The following COL23A1 variants were observed in gnomAD, a reference collection of about 807,000 sequenced individuals.
The protein encoded by COL23A1 is collagen type XXIII alpha 1 chain.
COL23A1 carries 97 observed loss-of-function variants against 99.3 expected under a neutral mutation model. The observed-to-expected ratio is 0.98, with a 90% CI of 0.83 to 1.16. COL23A1 has a LOEUF of 1.16. Ranked by LOEUF, COL23A1 falls within the 50% of genes most tolerant of loss-of-function variation. The probability of loss-of-function intolerance (pLI) is 0.00; values close to 1 mark genes in which losing one functional copy is unlikely to be tolerated. For synonymous variants in COL23A1, 320 were observed against 308.2 expected (o/e 1.04, Z -0.40); for missense variants, 762 against 757.4 (o/e 1.01, Z -0.07).
intron 2 of COL23A1, among the ~76,000 whole-genome samples, chr5:178,352,605 C>G (rs928632415): frequency 3.3e-4 from 51 of 152,266 alleles, no homozygotes; most frequent in Admixed American, 3.3e-3. Flanking sequence ...TCTTTACCTT[C>G]TCTCCAGAGA....
intron 2 of COL23A1, among the ~76,000 whole-genome samples, chr5:178,376,086 CTATT>C (rs758868048): frequency 5.9e-5 from 9 of 152,196 alleles, no homozygotes; most frequent in Non-Finnish European, 1.3e-4. Flanking sequence ...CCTCCCTACT[CTATT>C]TAATATCCCA....
intron 2 of COL23A1, among the ~76,000 whole-genome samples, chr5:178,416,500 A>G (rs1030965115): frequency 2.0e-5 from 3 of 152,084 alleles, no homozygotes; most frequent in African/African-American, 7.2e-5. Context: ...CCAGGAGGAG[A>G]TGTAGTTGGA....
chr5:178,412,314 A>G (rs1765096124), intron 2 of COL23A1, among the ~76,000 whole-genome samples: 1 of 152,240 alleles, frequency 6.6e-6, no homozygotes, highest in South Asian at 2.1e-4. Context: ...CTGTAAGGAT[A>G]TATAATAATC....
chr5:178,364,252 C>G (rs1762333178), intron 2 of COL23A1, among the ~76,000 whole-genome samples: 1 of 152,180 alleles, frequency 6.6e-6, no homozygotes, highest in South Asian at 2.1e-4. Flanking sequence ...GAAGAAAGCT[C>G]CACACATGGC....
In COL23A1 at chr5:178,468,481, C is replaced by T. The variant is rs780230942; in HGVS notation, c.361+92201G>A. On this transcript the variant is annotated intron_variant, in intron 2 of 28. Transcript: ENST00000390654. The surrounding 1 kb of genome is among the most constrained non-coding windows in gnomAD (Gnocchi z 4.2). ...TGGGCTAGACACTGCCTGCAGGGCA[C>T]GAGATGATTATTTCGTTTCATCCTC... Among the ~76,000 whole-genome samples, 5 of 152,152 alleles carry T rather than the reference C, an allele frequency of 3.3e-5. No individual in the cohort carries two copies. Among genetic ancestry groups the T allele is most frequent in the African/African-American group, 1.2e-4 (5 of 41,440 alleles).
chr5:178,337,094 G>T (rs182528321), intron 2 of COL23A1, among the ~76,000 whole-genome samples: 515 of 152,346 alleles, frequency 3.4e-3, no homozygotes, highest in Non-Finnish European at 6.0e-3. Flanking sequence ...TGGGAGGGGG[G>T]CCTGCGGAGG....
rs527614595 is a variant in COL23A1, at chr5:178,307,633, C to A, written c.362-714G>T. ...CCCTGAGACCAGAGTAACCTCAGCGCTGAAGGAGACGCTTTGACTCTGGCC... is the reference window on the plus strand; with the variant it reads ...CCCTGAGACCAGAGTAACCTCAGCGATGAAGGAGACGCTTTGACTCTGGCC... On this transcript the variant is annotated intron_variant, in intron 2 of 28. Transcript: ENST00000390654. This position sits in a 1 kb window ranked among gnomAD's most constrained non-coding sequence, Gnocchi z 4.2. Among the ~76,000 whole-genome samples, 1 of 152,362 alleles carries A rather than the reference C, an allele frequency of 6.6e-6. No individual in the cohort carries two copies. The highest frequency in any genetic ancestry group is 1.9e-4 in the East Asian group (1 of 5,178).
In COL23A1 at chr5:178,249,203, G is replaced by A; in HGVS notation, c.1063C>T (p.Pro355Ser). 6.2e-7 allele frequency: 1 copy of A among 1,614,176 alleles called. No individual in the cohort carries two copies. The highest frequency in any genetic ancestry group is 8.5e-7 in the Non-Finnish European group (1 of 1,179,998). The change falls in exon 19 of 29, where the codon CCC becomes TCC. Residue 355 changes from proline (P) to serine (S), a missense_variant. Pro to Ser is a moderately conservative substitution (Grantham distance 74). Transcript: ENST00000390654. ...GAPGIDGEKGPKGQKGDPGEP... is the reference protein window; with the variant it reads ...GAPGIDGEKGSKGQKGDPGEP... ...CCTGGGTCTCCTTTCTGTCCTTTGG[G>A]GCCCTGAAAGCCATAAGCACAAGGG... is the stretch of plus-strand genomic sequence containing the variant.
At chr5:178,268,826 C>T (rs1756057346) in intron 6 of COL23A1, 70 bp from the exon 7 acceptor site, 3 of 1,526,278 alleles carry the variant, frequency 2.0e-6, no homozygotes, top group Admixed American at 3.7e-5. Context: ...TCTGGCTTCC[C>T]TATACCTCTG....
intron 2 of COL23A1, among the ~76,000 whole-genome samples, chr5:178,349,133 C>T (rs1287130618): frequency 2.0e-5 from 3 of 152,108 alleles, no homozygotes; most frequent in East Asian, 1.9e-4. Context: ...ATGATTGATG[C>T]GGAGAAAAAC....
chr5:178,342,178 C>A (rs1344895724), intron 2 of COL23A1, among the ~76,000 whole-genome samples: 4 of 152,228 alleles, frequency 2.6e-5, no homozygotes, highest in African/African-American at 4.8e-5. Flanking sequence ...GCAGTTCCCA[C>A]ATGGCCCACG....
chr5:178,575,519 A>G (rs1159457480), intron 1 of COL23A1, among the ~76,000 whole-genome samples: 2 of 152,184 alleles, frequency 1.3e-5, no homozygotes, highest in Non-Finnish European at 2.9e-5. Context: ...CCTGCAGAAG[A>G]TCATGGATTA....
intron 2 of COL23A1, among the ~76,000 whole-genome samples, chr5:178,507,251 C>T (rs1758924981): frequency 6.6e-6 from 1 of 152,176 alleles, no homozygotes; most frequent in South Asian, 2.1e-4. Flanking sequence ...CTCCTCATTG[C>T]CTCTTACAGC....
At chr5:178,575,763 G>A (rs893190701) in intron 1 of COL23A1, among the ~76,000 whole-genome samples, 1 of 152,256 alleles carries the variant, frequency 6.6e-6, no homozygotes, top group African/African-American at 2.4e-5. Flanking sequence ...GGCAAGAAGA[G>A]TGCATGAGCC....
At chr5:178,374,925 G>A (rs1284094735) in intron 2 of COL23A1, among the ~76,000 whole-genome samples, 1 of 152,138 alleles carries the variant, frequency 6.6e-6, no homozygotes, top group Non-Finnish European at 1.5e-5. Flanking sequence ...CCATAATCAA[G>A]TAGCCAAAGA....
At chr5:178,253,536 G>C (rs1215276699) in intron 16 of COL23A1, among the ~76,000 whole-genome samples, 1 of 151,908 alleles carries the variant, frequency 6.6e-6, no homozygotes, top group Non-Finnish European at 1.5e-5. Context: ...AGCCTGGAGT[G>C]CAGAGGTGCG....
chr5:178,327,076 A>C (rs1323807727), intron 2 of COL23A1, among the ~76,000 whole-genome samples: 2 of 152,240 alleles, frequency 1.3e-5, no homozygotes, highest in Non-Finnish European at 2.9e-5. Flanking sequence ...CCAGACAATC[A>C]AATATCCATT....
chr5:178,523,201 TAGAGAGAG>T (rs70997609), intron 2 of COL23A1, among the ~76,000 whole-genome samples: 14 of 77,616 alleles, frequency 1.8e-4, no homozygotes, highest in East Asian at 6.6e-4. Context: ...TATATATATA[TAGAGAGAG>T]AGAGAGAGAG....
At chr5:178,517,847 G>C (rs1174946550) in intron 2 of COL23A1, among the ~76,000 whole-genome samples, 1 of 145,192 alleles carries the variant, frequency 6.9e-6, no homozygotes, top group African/African-American at 2.6e-5. Context: ...GGCGTGAGCC[G>C]CCGTGCCTGG....
Sources: allele counts gnomAD v4.1 joint callset (sites outside exome capture counted in the v4.1 genomes callset), GRCh38; gene constraint gnomAD v4.1.1; non-coding constraint Gnocchi (gnomAD v3.1); transcripts MANE v1.5; gene names NCBI Gene and HGNC (gene_info 2026-07-23, HGNC 2026-07-21).